Variants in USP47 observed in about 807,000 individuals in gnomAD.
The protein encoded by USP47 is ubiquitin specific peptidase 47, also known as ubiquitin carboxyl-terminal hydrolase 47.
Under a neutral mutation model 165.1 loss-of-function variants are expected in USP47, and 35 were observed. The observed-to-expected ratio is 0.21, with a 90% CI of 0.16 to 0.28. USP47 has a LOEUF of 0.28. USP47 is among the 10% of genes least tolerant of loss of function. USP47 has a pLI of 1.00. For synonymous variants in USP47, 531 were observed against 544.5 expected (o/e 0.98, Z 0.35); for missense variants, 1,277 against 1,607.4 (o/e 0.79, Z 3.52).
chr11:11,855,086 C>T (rs1462946633), intron 1 of USP47, among the ~76,000 whole-genome samples: 2 of 150,342 alleles, frequency 1.3e-5, no homozygotes, highest in African/African-American at 2.5e-5. Context: ...CAGAGCGAGA[C>T]TCCGTCTCAG....
At chr11:11,914,020 G>A (rs1853222444) in intron 8 of USP47, among the ~76,000 whole-genome samples, 1 of 151,980 alleles carries the variant, frequency 6.6e-6, no homozygotes, top group Admixed American at 6.6e-5. Context: ...ATTTTTTGAG[G>A]ACATATACAA....
chr11:11,888,598 T>G (rs1851316919), intron 3 of USP47, among the ~76,000 whole-genome samples: 1 of 152,036 alleles, frequency 6.6e-6, no homozygotes, highest in African/African-American at 2.4e-5. Flanking sequence ...ACCAAACAGA[T>G]TTACAGCTGA....
chr11:11,880,211 G>A lies in USP47; in HGVS notation c.74G>A (p.Cys25Tyr). Residue 25 changes from cysteine (C) to tyrosine (Y), a missense_variant, in exon 2 of 28, where the codon TGT becomes TAT. Around this residue, in one of 4 missense-constraint regions of USP47, gnomAD observed 181 missense variants for 194.7 expected, o/e 0.93. Coordinates refer to ENST00000527733, the MANE Select transcript of USP47 (RefSeq NM_001282659.2). Reference protein sequence around the residue: ...ENAAEEPRVLCIIQDTTNSKT... With the variant: ...ENAAEEPRVLYIIQDTTNSKT... ...GCTGCTGAAGAACCTAGAGTCTTAT[G>A]TATTATACAAGATACTACTAATTCA... 1 of 1,475,660 alleles carries A rather than the reference G, an allele frequency of 6.8e-7. No homozygotes were observed. The highest frequency in any genetic ancestry group is 8.9e-7 in the Non-Finnish European group (1 of 1,124,366). 91.4% of individuals were successfully genotyped at this position (1,475,660 alleles called of 1,614,324 possible). A position where few individuals can be genotyped will look rare whatever the true frequency, so the allele number is the denominator to read the frequency against.
chr11:11,936,340 G>C lies in USP47; in HGVS notation c.1907G>C (p.Cys636Ser). The stretch of plus-strand genomic sequence containing the variant: ...GAAGAGGTAATACCCCTGGATTGCT[G>C]TCGCCTTGTTAAATATGATGAGTTT... ...DLEEVIPLDCCRLVKYDEFHD... is the reference protein window; with the variant it reads ...DLEEVIPLDCSRLVKYDEFHD... Residue 636 changes from cysteine to serine, a missense_variant, in exon 17 of 28, where the codon TGT becomes TCT. Physicochemically the swap from Cys to Ser is moderately radical, Grantham distance 112. Around this residue, in one of 4 missense-constraint regions of USP47, gnomAD observed 909 missense variants for 1,068.1 expected, o/e 0.85. Coordinates refer to ENST00000527733, the MANE Select transcript of USP47 (RefSeq NM_001282659.2). 6.2e-7 allele frequency: 1 copy of C among 1,605,850 alleles called. No individual in the cohort carries two copies. The highest frequency in any genetic ancestry group is 1.1e-5 in the South Asian group (1 of 90,204).
At chr11:11,911,078 A>ATCT (rs1852942904) in intron 8 of USP47, among the ~76,000 whole-genome samples, 1 of 152,208 alleles carries the variant, frequency 6.6e-6, no homozygotes, top group Admixed American at 6.5e-5. Flanking sequence ...TGCAATAAGC[A>ATCT]AAATTAAAAA....
In USP47 at chr11:11,955,060, T is replaced by G; in HGVS notation, c.3789T>G (p.Ile1263Met). The G allele has an allele frequency of 6.2e-7, 1 of 1,613,824 alleles. No individual in the cohort carries two copies. The highest frequency in any genetic ancestry group is 1.1e-5 in the South Asian group (1 of 91,040). The change falls in exon 27 of 28, where the codon ATT becomes ATG. Residue 1263 changes from isoleucine (I) to methionine (M), a missense_variant. By Grantham distance (10) the Ile-to-Met change is conservative. Around this residue, in one of 4 missense-constraint regions of USP47, gnomAD observed 909 missense variants for 1,068.1 expected, o/e 0.85. Transcript: ENST00000527733. ...AKGRGTFPCD[I>M]SVLDIHQDLD... The stretch of plus-strand genomic sequence containing the variant: ...GTAGAGGAACATTTCCCTGTGATAT[T>G]TCTGTCCTTGATATTCATCAGGATT...
rs1433636068 is a variant in USP47, at chr11:11,948,023, C to T, written c.3170C>T (p.Ser1057Phe). 1.2e-6 allele frequency: 2 copies of T among 1,613,402 alleles called. No individual in the cohort carries two copies. The highest frequency in any genetic ancestry group is 1.7e-5 in the Admixed American group (1 of 59,920). ...TTAGAGCCCTTTGTTGGAGTTTTGT[C>T]CTCTCACTTCAAGGTCTTTCGAGTG... Reference protein sequence around the residue: ...QHLEPFVGVLSSHFKVFRVYA... With the variant: ...QHLEPFVGVLFSHFKVFRVYA... Residue 1057 changes from serine to phenylalanine, a missense_variant, in exon 21 of 28, where the codon TCC becomes TTC. Ser to Phe is a radical substitution (Grantham distance 155, BLOSUM62 -2). Transcript: ENST00000527733.
At chr11:11,866,296 A>G (rs974065241) in intron 1 of USP47, among the ~76,000 whole-genome samples, 3 of 152,228 alleles carry the variant, frequency 2.0e-5, no homozygotes, top group African/African-American at 4.8e-5. Flanking sequence ...ACTAGATCCA[A>G]TAACAAAGGG....
At chr11:11,870,755 C>T (rs905346301) in intron 1 of USP47, among the ~76,000 whole-genome samples, 4 of 152,140 alleles carry the variant, frequency 2.6e-5, no homozygotes, top group Non-Finnish European at 5.9e-5. Flanking sequence ...TCTGTTCTTT[C>T]TCTTTTGATT....
chr11:11,922,972 T>C, intron 11 of USP47, 81 bp downstream of exon 11: 1 of 1,287,160 alleles, frequency 7.8e-7, no homozygotes, highest in Non-Finnish European at 1.0e-6. Context: ...CTGTTGTGAC[T>C]GATAAAGTTA....
rs1457969381 is a variant in USP47 at position 11,960,044 on chromosome 11, A to G, written c.*3869A>G. On this transcript the variant is annotated 3_prime_UTR_variant, in exon 28 of 28. Transcript: ENST00000527733. ...CATAACTGTGCCAATTGTTTTGTCA[A>G]ATGCAGTTACCCACTGGGCAGTGGG... 6.6e-6 allele frequency among the ~76,000 whole-genome samples: 1 copy of G among 152,188 alleles called. No homozygotes were observed. Among genetic ancestry groups the G allele is most frequent in the African/African-American group, 2.4e-5 (1 of 41,442 alleles).
At chr11:11,873,885 A>ATGC in intron 1 of USP47, 1 of 1,377,542 alleles carries the variant, frequency 7.3e-7, no homozygotes. Context: ...AATTGCTTTA[A>ATGC]TGTGATAATC....
intron 16 of USP47, 149 bp downstream of exon 16, chr11:11,934,084 C>CCTG: frequency 1.7e-6 from 1 of 598,812 alleles, no homozygotes; most frequent in Non-Finnish European, 2.8e-6. Flanking sequence ...ATATTTATAC[C>CCTG]TCTCCTTTGG....
intron 4 of USP47, among the ~76,000 whole-genome samples, chr11:11,896,408 G>A (rs891870153): frequency 7.2e-5 from 11 of 152,140 alleles, no homozygotes; most frequent in Admixed American, 6.5e-5. Context: ...GGAGGAGGAC[G>A]GAGAAGAAAA....
At chr11:11,906,768 C>T (rs1165797660) in intron 8 of USP47, among the ~76,000 whole-genome samples, 1 of 151,860 alleles carries the variant, frequency 6.6e-6, no homozygotes, top group East Asian at 1.9e-4. Flanking sequence ...ATTTTTTAAC[C>T]TTATTTTGCT....
At chr11:11,881,451 C>T (rs1412580077) in intron 2 of USP47, among the ~76,000 whole-genome samples, 1 of 152,108 alleles carries the variant, frequency 6.6e-6, no homozygotes, top group Non-Finnish European at 1.5e-5. Flanking sequence ...TAGCTGTTTC[C>T]TGGCCTCTAT....
chr11:11,948,233 T>A (rs1855977227), intron 21 of USP47, 113 bp downstream of exon 21: 16 of 1,227,572 alleles, frequency 1.3e-5, no homozygotes, highest in Non-Finnish European at 1.7e-5. Context: ...GATTTTTTTT[T>A]AATGATTAAT....
At chr11:11,917,957 G>A (rs2134575709) in intron 8 of USP47, among the ~76,000 whole-genome samples, 2 of 152,238 alleles carry the variant, frequency 1.3e-5, no homozygotes, top group South Asian at 4.1e-4. Context: ...AAAATCAAGG[G>A]TGGAAGATTT....
chr11:11,885,634 C>A (rs1350887483), intron 3 of USP47, among the ~76,000 whole-genome samples: 1 of 152,142 alleles, frequency 6.6e-6, no homozygotes, highest in Non-Finnish European at 1.5e-5. Context: ...ATATAGACCC[C>A]AGGAGTTTTA....
Sources: gnomAD v4.1 joint callset for allele counts (sites outside exome capture counted in the v4.1 genomes callset) on GRCh38, gnomAD v4.1.1 for gene constraint, gnomAD v4.1.1 regional missense constraint, MANE v1.5 for transcripts, NCBI Gene and HGNC (gene_info 2026-07-23, HGNC 2026-07-21) for gene names.